The following POU6F1 variants were observed in gnomAD, a reference collection of about 807,000 sequenced individuals.
The protein encoded by POU6F1 is POU class 6 homeobox 1, also known as POU domain, class 6, transcription factor 1.
POU6F1 carries 9 observed loss-of-function variants against 28.9 expected under a neutral mutation model. That is an observed-to-expected ratio of 0.31 (90% CI 0.19 to 0.54). POU6F1 has a LOEUF of 0.54. POU6F1 is among the 20% of genes least tolerant of loss of function. The probability of loss-of-function intolerance (pLI) is 0.94; values close to 1 mark genes in which losing one functional copy is unlikely to be tolerated. For missense variants in POU6F1, 338 were observed against 426.1 expected, an observed-to-expected ratio of 0.79 and a Z score of 1.82; for synonymous variants, 173 against 171.1, an observed-to-expected ratio of 1.01 and a Z score of -0.09.
chr12:51,191,556 C>A (rs868343269), intron 10 of POU6F1, 40 bp downstream of exon 10: 5 of 1,589,074 alleles, frequency 3.1e-6, no homozygotes, highest in Middle Eastern at 2.3e-4. Context: ...CACCAGGCAG[C>A]TGAGCAGGCC....
intron 8 of POU6F1, 90 bp downstream of exon 8, chr12:51,195,880 A>C (rs57821022): frequency 0.033 from 45,877 of 1,374,364 alleles, 2,198 homozygotes; most frequent in East Asian, 0.22. Flanking sequence ...GAGTTTCAGA[A>C]GATGCTGTCC....
At position 51,191,778 on chromosome 12, in the gene POU6F1, AG is replaced by A; in HGVS notation, c.1322-15del. 6.2e-7 allele frequency: 1 copy of A among 1,613,884 alleles called. No homozygotes were observed. The highest frequency in any genetic ancestry group is 8.5e-7 in the Non-Finnish European group (1 of 1,179,782). On this transcript the variant is annotated splice_polypyrimidine_tract_variant and intron_variant, in intron 9 of 10. Transcript: ENST00000333640. ...GAGTATGTGGCTCTAGGCCAGAGGG[AG>A]GGAGCAGGGATGAGTGTGTAACATG...
chr12:51,206,685 C>T (rs1943648638), intron 2 of POU6F1, 104 bp downstream of exon 2: 2 of 398,228 alleles, frequency 5.0e-6, no homozygotes, highest in East Asian at 7.1e-5. Flanking sequence ...GATGGTGAAC[C>T]CTGGTAAGAA....
Position 51,199,097 on chromosome 12 carries a change from C to T in POU6F1, c.367-322G>A, listed in dbSNP as rs1369480867. On this transcript the variant is annotated intron_variant, in intron 4 of 10. Transcript: ENST00000333640. This position sits in a 1 kb window ranked among gnomAD's most constrained non-coding sequence, Gnocchi z 4.1. Reference sequence around the variant, plus strand: ...CAGGCCTTCCGCGAGCCCTTGCTGACAGGCCCCGTGCTTAGTGGCCAGGGA... The same window carrying T: ...CAGGCCTTCCGCGAGCCCTTGCTGATAGGCCCCGTGCTTAGTGGCCAGGGA... Among the ~76,000 whole-genome samples, 4 of 152,266 alleles carry T rather than the reference C, an allele frequency of 2.6e-5. No individual in the cohort carries two copies. The highest frequency in any genetic ancestry group is 5.9e-5 in the Non-Finnish European group (4 of 68,054).
At chr12:51,212,605 AC>A (rs1309192821) in intron 1 of POU6F1, among the ~76,000 whole-genome samples, 1 of 144,560 alleles carries the variant, frequency 6.9e-6, no homozygotes, top group African/African-American at 2.6e-5. Context: ...ACATGGAGAA[AC>A]CCCGTCTCTA....
intron 1 of POU6F1, among the ~76,000 whole-genome samples, chr12:51,214,524 G>A (rs150359765): frequency 2.0e-5 from 3 of 152,206 alleles, no homozygotes; most frequent in East Asian, 3.9e-4. Context: ...CCACACCGAC[G>A]CCTGTCCCCA....
chr12:51,192,515 C>A (rs372558365), intron 8 of POU6F1, 44 bp from the exon 9 acceptor site: 3 of 1,596,588 alleles, frequency 1.9e-6, no homozygotes, highest in Non-Finnish European at 2.6e-6. Flanking sequence ...CTCTGCCAGG[C>A]TCAGGGAGTT....
chr12:51,196,744 C>T lies in POU6F1; in HGVS notation c.975+55G>A, dbSNP rs369355075. 5.5e-5 allele frequency: 88 copies of T among 1,601,420 alleles called. No homozygotes were observed. The African/African-American group carries it at 1.1e-3, about 19-fold the overall frequency. On this transcript the variant is annotated intron_variant, in intron 7 of 10. Coordinates refer to ENST00000333640, the MANE Select transcript of POU6F1 (RefSeq NM_001330422.2). ...CACAGCCCAAGACCTGGCCGCCATC[C>T]CCTGGCCAGCCTCTCCACAGTCCCC...
intron 8 of POU6F1, among the ~76,000 whole-genome samples, chr12:51,194,892 A>G (rs774114076): frequency 5.3e-4 from 81 of 152,196 alleles, no homozygotes; most frequent in Non-Finnish European, 1.1e-3. Flanking sequence ...AAAACTTGGA[A>G]GTGCATGCTG....
chr12:51,199,774 C>T lies in POU6F1; in HGVS notation c.339G>A (p.Thr113=), dbSNP rs1299721457. ...GGGGGGCAGCTTGTACAGCCAGTGGCGTCAGGGTCTGCGATGCCTGAGGCT... is the reference window on the plus strand; with the variant it reads ...GGGGGGCAGCTTGTACAGCCAGTGGTGTCAGGGTCTGCGATGCCTGAGGCT... The part of the protein sequence containing the change: ...PSQPQASQTL[T]PLAVQAAPQV... The change falls in exon 4 of 11, where the codon ACG becomes ACA. Residue 113 remains threonine, a synonymous_variant. Transcript: ENST00000333640. The surrounding 1 kb of genome is among the most constrained non-coding windows in gnomAD (Gnocchi z 4.1). 1.9e-4 allele frequency: 77 copies of T among 399,186 alleles called. No individual in the cohort carries two copies. In the East Asian group the frequency reaches 2.3e-3, roughly 12 times the overall value. 24.7% of individuals were successfully genotyped at this position (399,186 alleles called of 1,614,324 possible). A position where few individuals can be genotyped will look rare whatever the true frequency, so the allele number is the denominator to read the frequency against.
chr12:51,216,860 G>C (rs1025954486), intron 1 of POU6F1, among the ~76,000 whole-genome samples: 5 of 152,176 alleles, frequency 3.3e-5, no homozygotes, highest in African/African-American at 1.2e-4. Flanking sequence ...GCTATTCTGT[G>C]AAGGTTTTAG....
chr12:51,198,153 G>A (rs561842608), intron 5 of POU6F1, 130 bp from the exon 6 acceptor site: 9 of 397,826 alleles, frequency 2.3e-5, no homozygotes, highest in African/African-American at 1.2e-4. Flanking sequence ...AGGCAGCCAC[G>A]ATTCCCTTGA....
At position 51,196,158 on chromosome 12, in the gene POU6F1, G is replaced by A; in HGVS notation, c.991C>T (p.Pro331Ser). The change falls in exon 8 of 11, where the codon CCA (proline) becomes TCA (serine). Residue 331 changes from proline to serine, a missense_variant. Physicochemically the swap from Pro to Ser is moderately conservative, Grantham distance 74. Transcript: ENST00000333640. ...NAQGQVIGTLPWVVNSASVAA... is the reference protein window; with the variant it reads ...NAQGQVIGTLSWVVNSASVAA... Reference sequence around the variant, plus strand: ...ACACTAGCTGAGTTCACTACCCATGGAAGGGTTCCAATAACCTGGGAGGAA... The same window carrying A: ...ACACTAGCTGAGTTCACTACCCATGAAAGGGTTCCAATAACCTGGGAGGAA... 6.5e-7 allele frequency: 1 copy of A among 1,526,842 alleles called. No homozygotes were observed. Among genetic ancestry groups the A allele is most frequent in the Non-Finnish European group, 8.8e-7 (1 of 1,139,912 alleles). The allele number at this position is 1,526,842 out of a possible 1,614,324, so 94.6% of individuals were successfully genotyped here. A position where few individuals can be genotyped will look rare whatever the true frequency, so the allele number is the denominator to read the frequency against.
intron 9 of POU6F1, among the ~76,000 whole-genome samples, chr12:51,192,098 T>C (rs1462958352): frequency 2.0e-5 from 3 of 149,652 alleles, no homozygotes; most frequent in African/African-American, 7.3e-5. Flanking sequence ...AGACAGCCCA[T>C]GGCTCGGCCT....
intron 8 of POU6F1, among the ~76,000 whole-genome samples, chr12:51,192,707 T>C (rs9668643): frequency 0.27 from 41,786 of 151,994 alleles, 6,946 homozygotes; most frequent in Middle Eastern, 0.46. Flanking sequence ...GAGTTTGATA[T>C]CAGCCTGGGC....
intron 1 of POU6F1, among the ~76,000 whole-genome samples, chr12:51,209,003 G>A (rs139122023): frequency 8.5e-5 from 13 of 152,224 alleles, no homozygotes; most frequent in African/African-American, 2.9e-4. Context: ...TGAGGAAGTG[G>A]GTCCTCACCA....
chr12:51,217,450 C>T lies in POU6F1; in HGVS notation c.-48+192G>A, dbSNP rs892036729. ...CCAGCTGGGCAACCGCGCGCTGTCC[C>T]GCTCCCGCAGCTCCCCGCCGCCCCG... On this transcript the variant is annotated intron_variant, in intron 1 of 10. Coordinates refer to ENST00000333640, the MANE Select transcript of POU6F1 (RefSeq NM_001330422.2). The surrounding 1 kb of genome is among the most constrained non-coding windows in gnomAD (Gnocchi z 5.3). Among the ~76,000 whole-genome samples, 69 of 152,092 alleles carry T rather than the reference C, an allele frequency of 4.5e-4. No individual in the cohort carries two copies. Among genetic ancestry groups the T allele is most frequent in the Admixed American group, 1.1e-3 (17 of 15,266 alleles).
At chr12:51,206,704 T>G (rs932862090) in intron 2 of POU6F1, 85 bp downstream of exon 2, 5 of 397,948 alleles carry the variant, frequency 1.3e-5, no homozygotes, top group Non-Finnish European at 2.2e-5. Context: ...AAACAGAGAG[T>G]GAAGGGCCCT....
At chr12:51,216,586 C>CT (rs781310060) in intron 1 of POU6F1, among the ~76,000 whole-genome samples, 5 of 152,176 alleles carry the variant, frequency 3.3e-5, no homozygotes, top group Admixed American at 6.5e-5. Flanking sequence ...AGAAGTATCA[C>CT]TTTGAGGACC....
Sources: allele counts gnomAD v4.1 joint callset (sites outside exome capture counted in the v4.1 genomes callset), GRCh38; gene constraint gnomAD v4.1.1; non-coding constraint Gnocchi (gnomAD v3.1); transcripts MANE v1.5; gene names NCBI Gene and HGNC (gene_info 2026-07-23, HGNC 2026-07-21).